TOP6BL: variants seen among roughly 807,000 people sequenced by gnomAD.
The protein encoded by TOP6BL is TOP6B like initiator of meiotic double strand breaks.
At chr11:66,774,642 TTTGTATTTTTAG>T in the TOP6BL span, among the ~76,000 whole-genome samples, 7 of 151,838 alleles carry the variant, frequency 4.6e-5, no homozygotes, top group Non-Finnish European at 4.4e-5. Context: ...TTTTGTTTCT[TTTGTATTTTTAG>T]TAGAGACAGG....
the TOP6BL span, among the ~76,000 whole-genome samples, chr11:66,803,461 C>G: frequency 6.6e-6 from 1 of 152,150 alleles, no homozygotes. Flanking sequence ...CAAAGTCTCG[C>G]TCTGTTGCTC....
At chr11:66,755,802 G>C in the TOP6BL span, among the ~76,000 whole-genome samples, 6 of 152,132 alleles carry the variant, frequency 3.9e-5, no homozygotes, top group South Asian at 1.2e-3. Flanking sequence ...ACAATCCTTG[G>C]TATTTCTTAG....
At chr11:66,824,188 T>C in the TOP6BL span, among the ~76,000 whole-genome samples, 3 of 152,060 alleles carry the variant, frequency 2.0e-5, no homozygotes, top group Non-Finnish European at 4.4e-5. Context: ...TATGAGGCCT[T>C]TGAGAGGTGA....
chr11:66,807,369 C>T, the TOP6BL span, among the ~76,000 whole-genome samples: 2 of 152,076 alleles, frequency 1.3e-5, no homozygotes, highest in Non-Finnish European at 1.5e-5. Flanking sequence ...GTCAGGAGTT[C>T]GAGACCAGCC....
the TOP6BL span, among the ~76,000 whole-genome samples, chr11:66,797,999 A>G: frequency 3.3e-5 from 5 of 152,250 alleles, no homozygotes; most frequent in East Asian, 9.7e-4. Flanking sequence ...AACTCTTACA[A>G]CACCCCTTGT....
At chr11:66,779,538 A>G in the TOP6BL span, among the ~76,000 whole-genome samples, 1 of 152,330 alleles carries the variant, frequency 6.6e-6, no homozygotes, top group East Asian at 1.9e-4. Flanking sequence ...ATGTGGAGAA[A>G]TAGGAACACT....
chr11:66,828,743 G>GA, the TOP6BL span: 6 of 164,508 alleles, frequency 3.6e-5, no homozygotes, highest in Non-Finnish European at 6.6e-5. Flanking sequence ...GTACTGACTG[G>GA]AGCCAAGAAA....
the TOP6BL span, among the ~76,000 whole-genome samples, chr11:66,829,908 T>TA: frequency 2.0e-5 from 3 of 152,044 alleles, no homozygotes; most frequent in East Asian, 5.8e-4. Flanking sequence ...AATAAATAAA[T>TA]AATAAATAAA....
At chr11:66,793,634 G>A in the TOP6BL span, among the ~76,000 whole-genome samples, 3 of 150,074 alleles carry the variant, frequency 2.0e-5, no homozygotes, top group Non-Finnish European at 3.0e-5. Flanking sequence ...TAGTAGAGAC[G>A]GGGTTTCATC....
the TOP6BL span, among the ~76,000 whole-genome samples, chr11:66,753,347 G>A: frequency 6.6e-6 from 1 of 152,016 alleles, no homozygotes; most frequent in South Asian, 2.1e-4. Flanking sequence ...GACTTTTATG[G>A]GGTAGGCTCG....
chr11:66,842,826 G>T, the TOP6BL span: 1 of 1,538,054 alleles, frequency 6.5e-7, no homozygotes, highest in Middle Eastern at 1.8e-4. Flanking sequence ...AAAGTAAGAT[G>T]AAGAGGCTTG....
chr11:66,815,355 A>G, the TOP6BL span, among the ~76,000 whole-genome samples: 1 of 152,208 alleles, frequency 6.6e-6, no homozygotes, highest in Non-Finnish European at 1.5e-5. Flanking sequence ...CAGGATCCAC[A>G]TGGAGGTACT....
the TOP6BL span, among the ~76,000 whole-genome samples, chr11:66,803,524 G>A: frequency 6.6e-6 from 1 of 152,182 alleles, no homozygotes; most frequent in African/African-American, 2.4e-5. Context: ...CGCTTCCCAG[G>A]TTCAAGCGAT....
chr11:66,811,796 C>A, the TOP6BL span, among the ~76,000 whole-genome samples: 3 of 152,070 alleles, frequency 2.0e-5, no homozygotes, highest in Non-Finnish European at 2.9e-5. Context: ...AAATTCCTGG[C>A]AGGCATGGTG....
the TOP6BL span, among the ~76,000 whole-genome samples, chr11:66,790,428 A>G: frequency 6.6e-6 from 1 of 152,200 alleles, no homozygotes; most frequent in Non-Finnish European, 1.5e-5. Flanking sequence ...CATCTAATCC[A>G]TGGGAAGAGG....
chr11:66,820,129 G>A, the TOP6BL span, among the ~76,000 whole-genome samples: 527 of 152,254 alleles, frequency 3.5e-3, 1 homozygote, highest in African/African-American at 0.012. Flanking sequence ...AGAGCAGGTG[G>A]TATAAAGCCA....
At chr11:66,838,547 G>C in the TOP6BL span, 2 of 1,080,958 alleles carry the variant, frequency 1.9e-6, no homozygotes, top group African/African-American at 3.2e-5. Context: ...CTACTACAGC[G>C]GCGTCCTTCT....
chr11:66,819,624 G>A, the TOP6BL span, among the ~76,000 whole-genome samples: 8 of 151,836 alleles, frequency 5.3e-5, no homozygotes, highest in East Asian at 9.7e-4. Flanking sequence ...AAATTTGCCC[G>A]GGCATGGTCC....
the TOP6BL span, among the ~76,000 whole-genome samples, chr11:66,748,987 A>C: frequency 1.3e-5 from 2 of 151,870 alleles, no homozygotes; most frequent in African/African-American, 4.8e-5. Context: ...TCTTTGAGGG[A>C]AACCTGATGC....
Sources: allele counts gnomAD v4.1 joint callset (sites outside exome capture counted in the v4.1 genomes callset), GRCh38; gene constraint gnomAD v4.1.1; transcripts MANE v1.5; gene names NCBI Gene and HGNC (gene_info 2026-07-23, HGNC 2026-07-21).